LAMP3: variants seen among roughly 807,000 people sequenced by gnomAD.
LAMP3 encodes the protein lysosome-associated membrane glycoprotein 3.
A neutral mutation model predicts 34.8 loss-of-function variants in LAMP3; 26 were observed. The observed-to-expected ratio is 0.75, with a 90% CI of 0.55 to 1.04. The LOEUF is 1.04. Among genes scored for constraint, LAMP3 ranks in the 50% least tolerant of loss-of-function variants. LAMP3 has a pLI of 0.00. For missense variants in LAMP3, 495 were observed against 524.0 expected, an observed-to-expected ratio of 0.94 and a Z score of 0.54; for synonymous variants, 180 against 201.9, an observed-to-expected ratio of 0.89 and a Z score of 0.92.
chr3:183,145,990 C>T (rs746333074), intron 3 of LAMP3, among the ~76,000 whole-genome samples: 1 of 152,196 alleles, frequency 6.6e-6, no homozygotes, highest in Admixed American at 6.5e-5. Context: ...TACTAATAAA[C>T]GAGTTGATAA....
At position 183,124,088 on chromosome 3, in the gene LAMP3, C is replaced by T. The variant is rs1719727017; in HGVS notation, c.1244G>A (p.Arg415Lys). 1 of 1,613,996 alleles carries T rather than the reference C, an allele frequency of 6.2e-7. No individual in the cohort carries two copies. Among genetic ancestry groups the T allele is most frequent in the African/African-American group, 1.3e-5 (1 of 74,926 alleles). Residue 415 changes from arginine (R) to lysine (K), a missense_variant, in exon 6 of 6, where the codon AGA becomes AAA. Coordinates refer to ENST00000265598, the MANE Select transcript of LAMP3 (RefSeq NM_014398.4). ...ATTCCCCCCGGGCAACAATTAGATT[C>T]TCTGGTATCCAGATGATTGACACCT... ...RLRCQSSGYQ[R>K]I
chr3:183,146,655 G>C (rs534762385), intron 3 of LAMP3, among the ~76,000 whole-genome samples: 1 of 151,132 alleles, frequency 6.6e-6, no homozygotes, highest in South Asian at 2.1e-4. Context: ...AGCCTCCCTA[G>C]TAGCTGGGAT....
intron 3 of LAMP3, among the ~76,000 whole-genome samples, chr3:183,142,895 T>TGA (rs1204852847): frequency 6.6e-6 from 1 of 152,160 alleles, no homozygotes; most frequent in Non-Finnish European, 1.5e-5. Flanking sequence ...AGAACACCTG[T>TGA]GAACCCGTCC....
chr3:183,124,584 GC>G (rs202235751), intron 5 of LAMP3, among the ~76,000 whole-genome samples: 5,543 of 152,310 alleles, frequency 0.036, 206 homozygotes, highest in East Asian at 0.17. Flanking sequence ...TGTAATCCCA[GC>G]ACTTTGGGAG....
intron 3 of LAMP3, among the ~76,000 whole-genome samples, chr3:183,143,604 G>T (rs1003944402): frequency 6.6e-6 from 1 of 152,032 alleles, no homozygotes; most frequent in African/African-American, 2.4e-5. Flanking sequence ...TAAGCCCTGG[G>T]TCTCAGGGTT....
Position 183,140,523 on chromosome 3 carries a change from T to C in LAMP3, c.946+15A>G, listed in dbSNP as rs1028445892. 2.6e-6 allele frequency: 4 copies of C among 1,530,414 alleles called. No homozygotes were observed. The highest frequency in any genetic ancestry group is 3.6e-6 in the Non-Finnish European group (4 of 1,105,430). 94.8% of individuals were successfully genotyped at this position (1,530,414 alleles called of 1,614,324 possible). On this transcript the variant is annotated intron_variant, in intron 4 of 5. Coordinates refer to ENST00000265598, the MANE Select transcript of LAMP3 (RefSeq NM_014398.4). ...GCGTCATGGCTGGTCGAATGGGCAT[T>C]CTGTAATTACTAACCTGGATCTGAG...
chr3:183,124,311 C>A (rs1420933973), intron 5 of LAMP3, 97 bp from the exon 6 acceptor site: 1 of 1,131,616 alleles, frequency 8.8e-7, no homozygotes, highest in Non-Finnish European at 1.2e-6. Flanking sequence ...TGGCATCAAA[C>A]AAAGCTTGAC....
intron 1 of LAMP3, among the ~76,000 whole-genome samples, chr3:183,156,088 G>A (rs1331152452): frequency 1.3e-5 from 2 of 152,164 alleles, no homozygotes; most frequent in African/African-American, 2.4e-5. Context: ...GGCCGGGCGC[G>A]GTGGCTCACG....
In LAMP3 at chr3:183,155,258, C is replaced by T. The variant is rs540034060; in HGVS notation, c.50-867G>A. On this transcript the variant is annotated intron_variant, in intron 1 of 5. Coordinates refer to ENST00000265598, the MANE Select transcript of LAMP3 (RefSeq NM_014398.4). The stretch of plus-strand genomic sequence containing the variant: ...ATTACACCTACAGATCTTTGCCATG[C>T]GTTCATCCAATCTAGACTTAACTGT... 9.2e-5 allele frequency among the ~76,000 whole-genome samples: 14 copies of T among 152,290 alleles called. No individual in the cohort carries two copies. The South Asian group carries it at 2.7e-3, about 29-fold the overall frequency.
chr3:183,133,500 A>G (rs771711066), intron 5 of LAMP3, among the ~76,000 whole-genome samples: 1 of 152,158 alleles, frequency 6.6e-6, no homozygotes, highest in Non-Finnish European at 1.5e-5. Flanking sequence ...GATTACAGGC[A>G]TGTACCACCA....
rs746136874 is a variant in LAMP3, at chr3:183,153,778, C to T, written c.663G>A (p.Ser221=). 5.1e-5 allele frequency: 81 copies of T among 1,574,728 alleles called. No homozygotes were observed. Among genetic ancestry groups the T allele is most frequent in the Non-Finnish European group, 6.2e-5 (72 of 1,161,076 alleles). ...CCTGATAAATTCCAGTCTTGACTGA[C>T]GATGGCTGAGGTGCAAGGGTGGGCC... ...VPGPTLAPQP[S]SVKTGIYQVL... is the part of the protein sequence containing the mutation. The change falls in exon 2 of 6, where the codon TCG becomes TCA. Residue 221 remains serine (S), a synonymous_variant. Transcript: ENST00000265598.
At chr3:183,134,232 T>C (rs56888055) in intron 5 of LAMP3, among the ~76,000 whole-genome samples, 3 of 152,090 alleles carry the variant, frequency 2.0e-5, no homozygotes, top group African/African-American at 4.8e-5. Flanking sequence ...TTGTGACTAT[T>C]TGTATGAGAG....
chr3:183,131,494 C>T (rs1719918961), intron 5 of LAMP3, among the ~76,000 whole-genome samples: 1 of 152,162 alleles, frequency 6.6e-6, no homozygotes, highest in Admixed American at 6.5e-5. Flanking sequence ...TGGGGAACTC[C>T]CGGGTCCTCA....
At chr3:183,138,678 A>C (rs1720175133) in intron 4 of LAMP3, among the ~76,000 whole-genome samples, 1 of 152,204 alleles carries the variant, frequency 6.6e-6, no homozygotes, top group Non-Finnish European at 1.5e-5. Context: ...GTGAACCTTT[A>C]TAAATGTAAA....
At chr3:183,132,501 C>T (rs577371) in intron 5 of LAMP3, 977,997 of 985,246 alleles carry the variant, frequency 0.99, 485,406 homozygotes, top group East Asian at 1. Flanking sequence ...TCCGGGTTTT[C>T]GCTTTCTCCC....
At chr3:183,134,691 C>T (rs998256391) in intron 5 of LAMP3, among the ~76,000 whole-genome samples, 1 of 152,216 alleles carries the variant, frequency 6.6e-6, no homozygotes, top group South Asian at 2.1e-4. Flanking sequence ...CCAGTCCTTC[C>T]TCTGCCAAAT....
chr3:183,136,546 G>A (rs1720095542), intron 4 of LAMP3, among the ~76,000 whole-genome samples: 1 of 152,016 alleles, frequency 6.6e-6, no homozygotes, highest in Admixed American at 6.6e-5. Context: ...AGCTACTCGG[G>A]AGGCTGAGGC....
At position 183,124,178 on chromosome 3, in the gene LAMP3, G is replaced by A. The variant is rs761908985; in HGVS notation, c.1154C>T (p.Pro385Leu). The A allele has an allele frequency of 6.2e-7, 1 of 1,607,752 alleles. No individual in the cohort carries two copies. The highest frequency in any genetic ancestry group is 1.1e-5 in the South Asian group (1 of 90,132). Residue 385 changes from proline to leucine, a missense_variant, in exon 6 of 6, where the codon CCT becomes CTT. Transcript: ENST00000265598. ...ACCAACCACGATGGCCCCAATCACA[G>A]GAAGCACAATTGTGTAGTCAGACGA... ...ECSSDYTIVL[P>L]VIGAIVVGLC...
rs528162083 is a variant in LAMP3, at chr3:183,130,816, A to G, written c.1117+4901T>C. ...CCATTTTCACTACCCTAGGTTGGAAAACGAAGAAAATAAAGCAACCCACTC... is the reference window on the plus strand; with the variant it reads ...CCATTTTCACTACCCTAGGTTGGAAGACGAAGAAAATAAAGCAACCCACTC... On this transcript the variant is annotated intron_variant, in intron 5 of 5. Coordinates refer to ENST00000265598, the MANE Select transcript of LAMP3 (RefSeq NM_014398.4). Among the ~76,000 whole-genome samples, 11 of 152,270 alleles carry G rather than the reference A, an allele frequency of 7.2e-5. No homozygotes were observed. In the East Asian group the frequency reaches 1.4e-3, roughly 19 times the overall value.
Sources: gnomAD v4.1 joint callset for allele counts (sites outside exome capture counted in the v4.1 genomes callset) on GRCh38, gnomAD v4.1.1 for gene constraint, MANE v1.5 for transcripts, NCBI Gene and HGNC (gene_info 2026-07-23, HGNC 2026-07-21) for gene names.